The following AQP5 variants were observed in gnomAD, a reference collection of about 807,000 sequenced individuals.
The protein encoded by AQP5 is aquaporin 5, also known as aquaporin-5.
Under a neutral mutation model 19.1 loss-of-function variants are expected in AQP5, and 15 were observed. That is an observed-to-expected ratio of 0.79 (90% confidence interval 0.53 to 1.21). AQP5 has a LOEUF of 1.21. Ranked by LOEUF, AQP5 falls within the 50% of genes most tolerant of loss-of-function variation. The pLI is 0.00. For synonymous variants in AQP5, 182 were observed against 160.3 expected, an observed-to-expected ratio of 1.14 and a Z score of -1.02; for missense variants, 355 against 357.1, an observed-to-expected ratio of 0.99 and a Z score of 0.05.
rs552563216 is a variant in AQP5, at chr12:49,962,579, C to A, written c.363+199C>A. 7.0e-5 allele frequency: 49 copies of A among 697,202 alleles called. 2 individuals carry two copies. The African/African-American group carries it at 8.4e-4, about 12-fold the overall frequency. The allele number at this position is 697,202 out of a possible 1,614,324, so 43.2% of individuals were successfully genotyped here. A position where few individuals can be genotyped will look rare whatever the true frequency, so the allele number is the denominator to read the frequency against. ...CCCTTCCTGCCCACCTCCTCTCCCC[C>A]TCCCCTCATGCTGGCCCACCCTGGT... On this transcript the variant is annotated intron_variant, in intron 1 of 3. Coordinates refer to ENST00000293599, the MANE Select transcript of AQP5 (RefSeq NM_001651.4).
chr12:49,962,534 T>TCCCAAGGCCAGGAAGGCAAGAGA (rs1262546880), intron 1 of AQP5, 154 bp downstream of exon 1: 1 of 974,746 alleles, frequency 1.0e-6, no homozygotes, highest in African/African-American at 1.7e-5. Context: ...GGAAGGCAAC[T>TCCCAAGGCCAGGAAGGCAAGAGA]CTCCAGGCTG....
At position 49,964,155 on chromosome 12, in the gene AQP5, C is replaced by G. The variant is rs202006860; in HGVS notation, c.592C>G (p.Arg198Gly). 9 of 1,613,980 alleles carry G rather than the reference C, an allele frequency of 5.6e-6. No homozygotes were observed. The African/African-American group carries it at 1.1e-4, about 19-fold the overall frequency. The stretch of plus-strand genomic sequence containing the variant: ...TTTTGGCCCTGCGGTGGTCATGAAT[C>G]GGTTCAGCCCCGCTCACTGGGTGAG... ...RSFGPAVVMN[R>G]FSPAHWVFWV... Residue 198 changes from arginine (R) to glycine (G), a missense_variant, in exon 3 of 4, where the codon CGG becomes GGG. Coordinates refer to ENST00000293599, the MANE Select transcript of AQP5 (RefSeq NM_001651.4).
At chr12:49,963,427 C>G (rs539393517) in intron 1 of AQP5, 65 bp from the exon 2 acceptor site, 1 of 1,579,944 alleles carries the variant, frequency 6.3e-7, no homozygotes, top group Admixed American at 1.7e-5. Flanking sequence ...AAAAGCCCTA[C>G]TCCCCGAGCC....
chr12:49,962,243 C>T lies in AQP5; in HGVS notation c.226C>T (p.Leu76Phe). 1 of 1,606,678 alleles carries T rather than the reference C, an allele frequency of 6.2e-7. No individual in the cohort carries two copies. The highest frequency in any genetic ancestry group is 8.5e-7 in the Non-Finnish European group (1 of 1,179,870). ...GHINPAITLA[L>F]LVGNQISLLR... ...CATCAACCCCGCCATCACCCTGGCC[C>T]TCTTGGTGGGCAACCAGATCTCGCT... Residue 76 changes from leucine (L) to phenylalanine (F), a missense_variant, in exon 1 of 4, where the codon CTC becomes TTC. Physicochemically the swap from Leu to Phe is conservative, Grantham distance 22. Coordinates refer to ENST00000293599, the MANE Select transcript of AQP5 (RefSeq NM_001651.4).
rs575945163 is a variant in AQP5, at chr12:49,965,621, A to T, written c.*444A>T. On this transcript the variant is annotated 3_prime_UTR_variant, in exon 4 of 4. Transcript: ENST00000293599. The stretch of plus-strand genomic sequence containing the variant: ...GCCGCCTTATTTATTTCTGGTGAGG[A>T]TGCATGCGTGGGGCTGCTGGTGTTT... 2.8e-4 allele frequency: 43 copies of T among 155,168 alleles called. No individual in the cohort carries two copies. Among genetic ancestry groups the T allele is most frequent in the Non-Finnish European group, 5.1e-4 (36 of 69,958 alleles). The allele number at this position is 155,168 out of a possible 1,614,324, so 9.6% of individuals were successfully genotyped here.
At chr12:49,963,865 T>C in intron 2 of AQP5, 2 of 823,014 alleles carry the variant, frequency 2.4e-6, no homozygotes, top group South Asian at 3.6e-5. Flanking sequence ...AAGTAGGAGG[T>C]GGGATGGGAC....
chr12:49,962,063 G>A lies in AQP5; in HGVS notation c.46G>A (p.Ala16Thr), dbSNP rs532533853. ...CGTGGCCTTCCTCAAGGCCGTGTTC[G>A]CAGAGTTCTTGGCCACCCTCATCTT... ...CSVAFLKAVF[A>T]EFLATLIFVF... The change falls in exon 1 of 4, where the codon GCA (alanine) becomes ACA (threonine). Residue 16 changes from alanine (A) to threonine (T), a missense_variant. Coordinates refer to ENST00000293599, the MANE Select transcript of AQP5 (RefSeq NM_001651.4). The A allele has an allele frequency of 3.1e-6, 5 of 1,608,132 alleles. No homozygotes were observed. The highest frequency in any genetic ancestry group is 4.3e-6 in the Non-Finnish European group (5 of 1,175,702).
intron 1 of AQP5, 154 bp downstream of exon 1, chr12:49,962,534 T>TCCCAAGGCCAGGAATGCAAGAGC (rs1262546880): frequency 1.0e-6 from 1 of 974,746 alleles, no homozygotes; most frequent in Non-Finnish European, 1.4e-6. Context: ...GGAAGGCAAC[T>TCCCAAGGCCAGGAATGCAAGAGC]CTCCAGGCTG....
chr12:49,964,972 T>A lies in AQP5; in HGVS notation c.613-20T>A. 1.2e-6 allele frequency: 2 copies of A among 1,607,192 alleles called. No individual in the cohort carries two copies. The highest frequency in any genetic ancestry group is 1.7e-6 in the Non-Finnish European group (2 of 1,176,644). ...AAGGTCTGGGGCTCAGCGCCCTGAC[T>A]CCTGCCCTGTCTCCACCAGGTTTTC... On this transcript the variant is annotated intron_variant, in intron 3 of 3. Transcript: ENST00000293599.
chr12:49,962,236 C>G lies in AQP5; in HGVS notation c.219C>G (p.Thr73=). The G allele has an allele frequency of 6.2e-7, 1 of 1,606,698 alleles. No homozygotes were observed. Among genetic ancestry groups the G allele is most frequent in the East Asian group, 2.2e-5 (1 of 44,862 alleles). The part of the protein sequence containing the change: ...VSGGHINPAI[T]LALLVGNQIS... ...GCGGCCACATCAACCCCGCCATCAC[C>G]CTGGCCCTCTTGGTGGGCAACCAGA... The change falls in exon 1 of 4, where the codon ACC becomes ACG. Residue 73 remains threonine (T), a synonymous_variant. Transcript: ENST00000293599.
rs200416343 is a variant in AQP5 at position 49,962,335 on chromosome 12, C to T, written c.318C>T (p.Tyr106=). The change falls in exon 1 of 4, where the codon TAC becomes TAT. Residue 106 remains tyrosine (Y), a synonymous_variant. Transcript: ENST00000293599. ...VGAIAGAGIL[Y]GVAPLNARGN... ...CCATTGCCGGGGCTGGCATCCTCTACGGTGTGGCACCGCTCAATGCCCGGG... is the reference window on the plus strand; with the variant it reads ...CCATTGCCGGGGCTGGCATCCTCTATGGTGTGGCACCGCTCAATGCCCGGG... 1.2e-5 allele frequency: 19 copies of T among 1,599,932 alleles called. No homozygotes were observed. In the East Asian group the frequency reaches 2.8e-4, roughly 24 times the overall value.
In AQP5 at chr12:49,963,527, G is replaced by C. The variant is rs374541694; in HGVS notation, c.399G>C (p.Val133=). 18 of 1,613,832 alleles carry C rather than the reference G, an allele frequency of 1.1e-5. No individual in the cohort carries two copies. The highest frequency in any genetic ancestry group is 1.4e-5 in the Non-Finnish European group (17 of 1,180,042). ...ACACAACGCAGGGCCAGGCCATGGTGGTGGAGCTGATTCTGACCTTCCAGC... is the reference window on the plus strand; with the variant it reads ...ACACAACGCAGGGCCAGGCCATGGTCGTGGAGCTGATTCTGACCTTCCAGC... The part of the protein sequence containing the change: ...NNNTTQGQAM[V]VELILTFQLA... Residue 133 remains valine (V), a synonymous_variant, in exon 2 of 4, where the codon GTG becomes GTC. Coordinates refer to ENST00000293599, the MANE Select transcript of AQP5 (RefSeq NM_001651.4).
chr12:49,962,486 A>G (rs532564389), intron 1 of AQP5, 106 bp downstream of exon 1: 5 of 1,025,230 alleles, frequency 4.9e-6, no homozygotes, highest in Middle Eastern at 3.5e-4. Flanking sequence ...GGGCCAGCCC[A>G]CACCCTTCAC....
intron 2 of AQP5, 78 bp from the exon 3 acceptor site, chr12:49,964,014 G>A: frequency 7.0e-7 from 1 of 1,426,996 alleles, no homozygotes. Flanking sequence ...GGACTGCAGT[G>A]TAACCTTGAG....
At chr12:49,964,009 G>A (rs1947458755) in intron 2 of AQP5, 83 bp from the exon 3 acceptor site, 2 of 1,361,776 alleles carry the variant, frequency 1.5e-6, no homozygotes, top group African/African-American at 1.4e-5. Flanking sequence ...CCCCTGGACT[G>A]CAGTGTAACC....
chr12:49,962,115 T>C lies in AQP5; in HGVS notation c.98T>C (p.Leu33Pro). The C allele has an allele frequency of 6.2e-7, 1 of 1,613,574 alleles. No homozygotes were observed. Among genetic ancestry groups the C allele is most frequent in the Non-Finnish European group, 8.5e-7 (1 of 1,179,802 alleles). Residue 33 changes from leucine (L) to proline (P), a missense_variant, in exon 1 of 4, where the codon CTC becomes CCC. Leu to Pro is a moderately conservative substitution (Grantham distance 98). Coordinates refer to ENST00000293599, the MANE Select transcript of AQP5 (RefSeq NM_001651.4). Reference sequence around the variant, plus strand: ...GTCTTCTTTGGCCTGGGCTCGGCCCTCAAGTGGCCGTCGGCGCTGCCTACC... The same window carrying C: ...GTCTTCTTTGGCCTGGGCTCGGCCCCCAAGTGGCCGTCGGCGCTGCCTACC... Reference protein sequence around the residue: ...IFVFFGLGSALKWPSALPTIL... With the variant: ...IFVFFGLGSAPKWPSALPTIL...
rs143168829 is a variant in AQP5, at chr12:49,965,392, C to T, written c.*215C>T. 2.3e-5 allele frequency: 12 copies of T among 521,676 alleles called. No homozygotes were observed. Among genetic ancestry groups the T allele is most frequent in the Middle Eastern group, 5.1e-4 (1 of 1,946 alleles). The allele number at this position is 521,676 out of a possible 1,614,324, so 32.3% of individuals were successfully genotyped here. ...GCTGGGGTCTGCTGGGGACAGGTCT[C>T]TCTGGGACAGACCTCAGAGATTGTG... On this transcript the variant is annotated 3_prime_UTR_variant, in exon 4 of 4. Coordinates refer to ENST00000293599, the MANE Select transcript of AQP5 (RefSeq NM_001651.4).
intron 2 of AQP5, 172 bp from the exon 3 acceptor site, chr12:49,963,920 G>A (rs1947457858): frequency 3.9e-6 from 3 of 778,616 alleles, no homozygotes; most frequent in East Asian, 2.7e-5. Context: ...GGAGGGCGTA[G>A]TTAAGGGTCC....
At chr12:49,964,250 A>G in intron 3 of AQP5, 75 bp downstream of exon 3, 1 of 1,481,720 alleles carries the variant, frequency 6.7e-7, no homozygotes, top group Non-Finnish European at 9.4e-7. Flanking sequence ...AGAGCTCACC[A>G]GACCTGGATT....
Sources: allele counts gnomAD v4.1 joint callset, GRCh38; gene constraint gnomAD v4.1.1; transcripts MANE v1.5; gene names NCBI Gene and HGNC (gene_info 2026-07-23, HGNC 2026-07-21).